The following BTBD8 variants were observed in gnomAD, a reference collection of about 807,000 sequenced individuals.
BTBD8 encodes the protein BTB domain containing 8.
In BTBD8, 110 loss-of-function variants were observed where a neutral mutation model predicts 162.9. The observed-to-expected ratio is 0.68, with a 90% CI of 0.58 to 0.79. The LOEUF is 0.79. Among genes scored for constraint, BTBD8 ranks in the 30% least tolerant of loss-of-function variants. BTBD8 has a pLI of 0.00. For missense variants in BTBD8, 1,905 were observed against 2,085.4 expected (o/e 0.91, Z 1.68); for synonymous variants, 667 against 716.1 (o/e 0.93, Z 1.10).
intron 2 of BTBD8, among the ~76,000 whole-genome samples, chr1:92,097,853 G>A (rs1648493952): frequency 6.6e-6 from 1 of 152,170 alleles, no homozygotes; most frequent in Non-Finnish European, 1.5e-5. Flanking sequence ...TTACTACAGA[G>A]AAAGGAAACG....
In BTBD8 at chr1:92,166,368, T is replaced by A. The variant is rs1650385545; in HGVS notation, c.1123-590T>A. ...TAATCTTAGGGAACTCAAATTTTTCTTTCTAGTTATTATCACTTTGCTATC... is the reference window on the plus strand; with the variant it reads ...TAATCTTAGGGAACTCAAATTTTTCATTCTAGTTATTATCACTTTGCTATC... On this transcript the variant is annotated intron_variant, in intron 9 of 17. Transcript: ENST00000636805. Among the ~76,000 whole-genome samples the A allele has an allele frequency of 2.6e-5, 4 of 152,178 alleles. No homozygotes were observed. In the South Asian group the frequency reaches 8.3e-4, roughly 32 times the overall value.
At chr1:92,168,728 A>G (rs1650453346) in intron 11 of BTBD8, 138 bp from the exon 12 acceptor site, 1 of 768,412 alleles carries the variant, frequency 1.3e-6, no homozygotes. Context: ...CATAAATAAC[A>G]TGTACCCAAC....
At position 92,088,904 on chromosome 1, in the gene BTBD8, T is replaced by C. The variant is rs573226791; in HGVS notation, c.347+9T>C. On this transcript the variant is annotated intron_variant, in intron 2 of 17. Transcript: ENST00000636805. Reference sequence around the variant, plus strand: ...TTTAGAACGTTTTTACAGTAAGTGCTTTCTTTATCCATGTAAGTCTAATAT... The same window carrying C: ...TTTAGAACGTTTTTACAGTAAGTGCCTTCTTTATCCATGTAAGTCTAATAT... The C allele has an allele frequency of 1.6e-4, 260 of 1,594,146 alleles. 3 individuals are homozygous for C. The South Asian group carries it at 2.7e-3, about 17-fold the overall frequency.
In BTBD8 at chr1:92,115,607, C is replaced by T. The variant is rs143536185; in HGVS notation, c.662+7606C>T. On this transcript the variant is annotated intron_variant, in intron 4 of 17. Transcript: ENST00000636805. ...TGATGGGATTTCCATTGATGTCAAG[C>T]TTCCTGTTTTCAGCCTTGACGATGC... The T allele has an allele frequency of 8.4e-4, 328 of 388,986 alleles. 4 individuals carry two copies. Among genetic ancestry groups the T allele is most frequent in the African/African-American group, 6.5e-3 (308 of 47,264 alleles). 24.1% of individuals were successfully genotyped at this position (388,986 alleles called of 1,614,324 possible). A position where few individuals can be genotyped will look rare whatever the true frequency, so the allele number is the denominator to read the frequency against.
intron 13 of BTBD8, among the ~76,000 whole-genome samples, chr1:92,172,882 A>G (rs1650589661): frequency 6.6e-6 from 1 of 152,188 alleles, no homozygotes; most frequent in African/African-American, 2.4e-5. Context: ...TACGAGCTCC[A>G]TCTAGCATCA....
At chr1:92,169,631 T>G (rs1403890694) in intron 12 of BTBD8, among the ~76,000 whole-genome samples, 2 of 152,258 alleles carry the variant, frequency 1.3e-5, no homozygotes, top group Non-Finnish European at 2.9e-5. Context: ...TCTTCATGAC[T>G]ATTTTTGGGT....
chr1:92,140,919 TC>T (rs914419359), intron 6 of BTBD8, among the ~76,000 whole-genome samples, 195 bp from the exon 7 acceptor site: 1 of 152,280 alleles, frequency 6.6e-6, no homozygotes, highest in African/African-American at 2.4e-5. Context: ...AAATCATGTG[TC>T]AGTGCTTTCA....
At chr1:92,141,044 CA>C (rs2101940906) in intron 6 of BTBD8, 70 bp from the exon 7 acceptor site, 2 of 1,337,368 alleles carry the variant, frequency 1.5e-6, no homozygotes, top group Non-Finnish European at 9.9e-7. Flanking sequence ...TATATATTAT[CA>C]ATAAATTAGT....
At chr1:92,122,701 G>T (rs1486776779) in intron 4 of BTBD8, among the ~76,000 whole-genome samples, 3 of 151,862 alleles carry the variant, frequency 2.0e-5, no homozygotes, top group Non-Finnish European at 4.4e-5. Flanking sequence ...AGTAGCTGGG[G>T]TTACAGGCGT....
intron 6 of BTBD8, 91 bp from the exon 7 acceptor site, chr1:92,141,024 A>T (rs938711395): frequency 2.3e-5 from 28 of 1,198,034 alleles, no homozygotes; most frequent in Middle Eastern, 5.0e-4. Context: ...ATTCTTTTTT[A>T]AAAACAGACT....
chr1:92,082,883 A>C (rs181713469), intron 1 of BTBD8, among the ~76,000 whole-genome samples: 1 of 152,192 alleles, frequency 6.6e-6, no homozygotes, highest in African/African-American at 2.4e-5. Flanking sequence ...CCATCCTACT[A>C]TTTGCTATAC....
In BTBD8 at chr1:92,182,142, AG is replaced by A. The variant is rs1186507565; in HGVS notation, c.4460del (p.Arg1487AsnfsTer11). ...HEHHGRTCYS[R>X]FSRESEDNIL... ...ACATCATGGAAGGACCTGCTATTCCAGATTCTCACGAGAAAGTGAAGATAAT... is the reference window on the plus strand; with the variant it reads ...ACATCATGGAAGGACCTGCTATTCCAATTCTCACGAGAAAGTGAAGATAAT... On this transcript the variant is annotated frameshift_variant, in exon 17 of 18. Transcript: ENST00000636805. LOFTEE classifies it high-confidence loss of function. 4 of 1,551,138 alleles carry A rather than the reference AG, an allele frequency of 2.6e-6. No individual in the cohort carries two copies. Among genetic ancestry groups the A allele is most frequent in the Non-Finnish European group, 3.5e-6 (4 of 1,146,714 alleles).
chr1:92,152,491 T>A (rs1459660965), intron 9 of BTBD8, among the ~76,000 whole-genome samples: 1 of 152,180 alleles, frequency 6.6e-6, no homozygotes, highest in Non-Finnish European at 1.5e-5. Flanking sequence ...AGGACAATTT[T>A]AAAATAAGTA....
intron 3 of BTBD8, among the ~76,000 whole-genome samples, chr1:92,104,198 G>C (rs902365354): frequency 1.3e-5 from 2 of 152,194 alleles, no homozygotes; most frequent in Non-Finnish European, 2.9e-5. Flanking sequence ...TGTTAGAGCA[G>C]AATTGATTGT....
In BTBD8 at chr1:92,080,476, A is replaced by G. The variant is rs1290253009; in HGVS notation, c.-96A>G. ...ACCCTAGGGGGCGGATTTGGGTAGGAGCCGAGCGTTCGGTCGGAAACGCCC... is the reference window on the plus strand; with the variant it reads ...ACCCTAGGGGGCGGATTTGGGTAGGGGCCGAGCGTTCGGTCGGAAACGCCC... On this transcript the variant is annotated 5_prime_UTR_variant, in exon 1 of 18. Transcript: ENST00000636805. 1.3e-6 allele frequency: 2 copies of G among 1,544,084 alleles called. No homozygotes were observed. The highest frequency in any genetic ancestry group is 8.7e-7 in the Non-Finnish European group (1 of 1,149,188).
At position 92,176,892 on chromosome 1, in the gene BTBD8, A is replaced by G; in HGVS notation, c.1699A>G (p.Lys567Glu). Residue 567 changes from lysine to glutamate, a missense_variant, in exon 14 of 18, where the codon AAA becomes GAA. By Grantham distance (56) the Lys-to-Glu change is moderately conservative (BLOSUM62 1). Around this residue, in one of 3 missense-constraint regions of BTBD8, gnomAD observed 1,374 missense variants for 1,442.7 expected, o/e 0.95. Transcript: ENST00000636805. ...CAAATCTTGGAGGGGAAATAACAAG[A>G]AAGAGTGTTGGAGTTATCTCTCTAC... ...KIKSWRGNNKKECWSYLSTNK... is the reference protein window; with the variant it reads ...KIKSWRGNNKEECWSYLSTNK... The G allele has an allele frequency of 6.6e-7, 1 of 1,505,702 alleles. No homozygotes were observed. Among genetic ancestry groups the G allele is most frequent in the South Asian group, 1.3e-5 (1 of 75,028 alleles). 93.3% of individuals were successfully genotyped at this position (1,505,702 alleles called of 1,614,324 possible).
chr1:92,141,113 A>T lies in BTBD8; in HGVS notation c.834-2A>T, dbSNP rs769915151. The T allele has an allele frequency of 2.6e-6, 4 of 1,543,822 alleles. No individual in the cohort carries two copies. In the African/African-American group the frequency reaches 5.6e-5, roughly 22 times the overall value. ...TTAACAGTGCATCTATTTTTATTTT[A>T]GTCAGATACTCAATATGGCTGATAT... On this transcript the variant is annotated splice_acceptor_variant, in intron 6 of 17. Transcript: ENST00000636805. LOFTEE classifies it high-confidence loss of function.
At chr1:92,117,797 A>G (rs1649085486) in intron 4 of BTBD8, among the ~76,000 whole-genome samples, 1 of 151,990 alleles carries the variant, frequency 6.6e-6, no homozygotes, top group Non-Finnish European at 1.5e-5. Context: ...CTTCCTGTGC[A>G]TTGACTAGAA....
Position 92,182,177 on chromosome 1 carries a change from A to G in BTBD8, c.4494A>G (p.Glu1498=). The G allele has an allele frequency of 6.4e-7, 1 of 1,550,878 alleles. No homozygotes were observed. The highest frequency in any genetic ancestry group is 1.4e-5 in the African/African-American group (1 of 73,144). The change falls in exon 17 of 18, where the codon GAA becomes GAG. Residue 1498 remains glutamate, a synonymous_variant. Coordinates refer to ENST00000636805, the MANE Select transcript of BTBD8 (RefSeq NM_001376131.1). ...FSRESEDNIL[E]CKQNKGNSVC... Reference sequence around the variant, plus strand: ...GAGAAAGTGAAGATAATATTTTAGAATGTAAACAAAATAAAGGCAATAGTG... The same window carrying G: ...GAGAAAGTGAAGATAATATTTTAGAGTGTAAACAAAATAAAGGCAATAGTG...
Sources: gnomAD v4.1 joint callset for allele counts (sites outside exome capture counted in the v4.1 genomes callset) on GRCh38, gnomAD v4.1.1 for gene constraint, gnomAD v4.1.1 regional missense constraint, MANE v1.5 for transcripts, NCBI Gene and HGNC (gene_info 2026-07-23, HGNC 2026-07-21) for gene names.